BORCS5: variants seen among roughly 807,000 people sequenced by gnomAD.
The protein encoded by BORCS5 is BLOC-1-related complex subunit 5.
Under a neutral mutation model 22.1 loss-of-function variants are expected in BORCS5, and 17 were observed. The observed-to-expected ratio is 0.77, with a 90% CI of 0.53 to 1.15. The LOEUF (loss-of-function observed/expected upper bound fraction) is 1.15. BORCS5 is among the 50% of genes most tolerant of loss of function. The probability of loss-of-function intolerance (pLI) is 0.00; values close to 1 mark genes in which losing one functional copy is unlikely to be tolerated. For synonymous variants in BORCS5, 117 were observed against 99.8 expected (o/e 1.17, Z -1.03); for missense variants, 247 against 253.2 (o/e 0.98, Z 0.17).
chr12:12,408,019 A>C (rs1317109752), intron 2 of BORCS5, among the ~76,000 whole-genome samples: 2 of 152,112 alleles, frequency 1.3e-5, no homozygotes, highest in Non-Finnish European at 2.9e-5. Context: ...AAATATTACT[A>C]TTCTGTATGT....
chr12:12,393,881 C>A (rs1199623732), intron 2 of BORCS5, among the ~76,000 whole-genome samples: 3 of 151,780 alleles, frequency 2.0e-5, no homozygotes, highest in East Asian at 3.9e-4. Flanking sequence ...TGCTAATATA[C>A]CAATTAGAAC....
chr12:12,423,548 G>GT (rs1313600029), intron 2 of BORCS5, among the ~76,000 whole-genome samples: 2 of 122,240 alleles, frequency 1.6e-5, no homozygotes, highest in East Asian at 2.5e-4. Flanking sequence ...CAGGTTTTTT[G>GT]TTTTTTGTTT....
intron 2 of BORCS5, among the ~76,000 whole-genome samples, chr12:12,408,403 G>A (rs969228128): frequency 6.6e-6 from 1 of 152,106 alleles, no homozygotes; most frequent in African/African-American, 2.4e-5. Context: ...AAATACACTT[G>A]ACATGAAATT....
intron 3 of BORCS5, among the ~76,000 whole-genome samples, chr12:12,458,618 A>C: frequency 7.2e-6 from 1 of 139,824 alleles, no homozygotes; most frequent in African/African-American, 2.8e-5. Flanking sequence ...TCGCTCCGTC[A>C]CCCAGGCTGG....
Position 12,357,870 on chromosome 12 carries a change from C to CA in BORCS5, c.58+362dup, listed in dbSNP as rs573578447. Among the ~76,000 whole-genome samples the CA allele has an allele frequency of 1.9e-4, 29 of 152,312 alleles. No homozygotes were observed. In the East Asian group the frequency reaches 3.7e-3, roughly 19 times the overall value. On this transcript the variant is annotated intron_variant, in intron 1 of 3. Transcript: ENST00000314565. The stretch of plus-strand genomic sequence containing the variant: ...GGATGGATTATAGGACCTCTAAGAA[C>CA]AGTCTGTTTCTTAAAAACGGGTGTT...
At chr12:12,404,426 C>G (rs1283767929) in intron 2 of BORCS5, among the ~76,000 whole-genome samples, 1 of 152,176 alleles carries the variant, frequency 6.6e-6, no homozygotes, top group Non-Finnish European at 1.5e-5. Context: ...CCTCAACTGG[C>G]AGAAGGAGAA....
intron 2 of BORCS5, among the ~76,000 whole-genome samples, chr12:12,379,631 C>T (rs1334241065): frequency 6.6e-6 from 1 of 151,426 alleles, no homozygotes; most frequent in Non-Finnish European, 1.5e-5. Flanking sequence ...ACTAGAATAG[C>T]TTAAGGCAAG....
At chr12:12,448,665 AT>A (rs1942839529) in intron 3 of BORCS5, among the ~76,000 whole-genome samples, 1 of 150,964 alleles carries the variant, frequency 6.6e-6, no homozygotes, top group African/African-American at 2.4e-5. Flanking sequence ...AGTAGCTGGG[AT>A]TATAGGCGCC....
intron 2 of BORCS5, among the ~76,000 whole-genome samples, chr12:12,434,019 A>G (rs1942495873): frequency 6.6e-6 from 1 of 152,058 alleles, no homozygotes; most frequent in Non-Finnish European, 1.5e-5. Context: ...AAGGGTTCCC[A>G]AGATGAGCTT....
At chr12:12,415,168 A>C (rs988144126) in intron 2 of BORCS5, among the ~76,000 whole-genome samples, 1 of 151,660 alleles carries the variant, frequency 6.6e-6, no homozygotes, top group Non-Finnish European at 1.5e-5. Flanking sequence ...AGAGGCTGCA[A>C]TCTCGGCACT....
chr12:12,406,796 CT>C (rs34160263), intron 2 of BORCS5, among the ~76,000 whole-genome samples: 32 of 148,472 alleles, frequency 2.2e-4, no homozygotes, highest in East Asian at 1.2e-3. Context: ...TGTTAAACAC[CT>C]TTTTTTTTTT....
At chr12:12,465,317 A>G (rs1232205587) in intron 3 of BORCS5, among the ~76,000 whole-genome samples, 2 of 152,192 alleles carry the variant, frequency 1.3e-5, no homozygotes, top group Non-Finnish European at 1.5e-5. Flanking sequence ...ACATTCCCAG[A>G]ACATAGAGCC....
rs866527866 is a variant in BORCS5, at chr12:12,468,151, C to T, written c.*2375C>T. On this transcript the variant is annotated 3_prime_UTR_variant, in exon 4 of 4. Coordinates refer to ENST00000314565, the MANE Select transcript of BORCS5 (RefSeq NM_058169.6). Reference sequence around the variant, plus strand: ...TGTGGTCTGGTGAAGAAGAAACAGCCGAACCGAGACTTTCACCAGCCCCTC... The same window carrying T: ...TGTGGTCTGGTGAAGAAGAAACAGCTGAACCGAGACTTTCACCAGCCCCTC... 18 of 152,204 alleles carry T rather than the reference C, an allele frequency of 1.2e-4. No homozygotes were observed. Among genetic ancestry groups the T allele is most frequent in the African/African-American group, 3.6e-4 (15 of 41,434 alleles). The allele number at this position is 152,204 out of a possible 1,614,324, so 9.4% of individuals were successfully genotyped here. A position where few individuals can be genotyped will look rare whatever the true frequency, so the allele number is the denominator to read the frequency against.
chr12:12,363,580 A>G (rs1863340735), intron 2 of BORCS5, among the ~76,000 whole-genome samples: 1 of 151,948 alleles, frequency 6.6e-6, no homozygotes, highest in African/African-American at 2.4e-5. Flanking sequence ...CTGAAAGTAC[A>G]AAAAAAATTA....
chr12:12,465,446 C>A, intron 3 of BORCS5, 100 bp from the exon 4 acceptor site: 1 of 1,036,692 alleles, frequency 9.6e-7, no homozygotes, highest in Non-Finnish European at 1.4e-6. Flanking sequence ...TCAGCTTCCA[C>A]TGGATCTGCG....
chr12:12,398,414 A>G (rs1941398555), intron 2 of BORCS5, among the ~76,000 whole-genome samples: 1 of 152,210 alleles, frequency 6.6e-6, no homozygotes, highest in Non-Finnish European at 1.5e-5. Flanking sequence ...AAAAATAATT[A>G]ATATGTAATC....
intron 2 of BORCS5, among the ~76,000 whole-genome samples, chr12:12,427,545 C>T (rs1592118107): frequency 6.6e-6 from 1 of 152,160 alleles, no homozygotes; most frequent in Non-Finnish European, 1.5e-5. Context: ...GTAAAGGATA[C>T]ATATAGCTTA....
intron 2 of BORCS5, among the ~76,000 whole-genome samples, chr12:12,369,729 T>C (rs925049510): frequency 1.4e-5 from 2 of 138,706 alleles, no homozygotes; most frequent in African/African-American, 2.8e-5. Context: ...TTTTTTTTTT[T>C]TTTTTTTTTT....
chr12:12,382,899 T>C (rs891317535), intron 2 of BORCS5, among the ~76,000 whole-genome samples: 3 of 151,476 alleles, frequency 2.0e-5, no homozygotes, highest in South Asian at 2.1e-4. Flanking sequence ...GGTGTGTCTT[T>C]TGTAAATAGC....
Sources: gnomAD v4.1 joint callset for allele counts (sites outside exome capture counted in the v4.1 genomes callset) on GRCh38, gnomAD v4.1.1 for gene constraint, MANE v1.5 for transcripts, NCBI Gene and HGNC (gene_info 2026-07-23, HGNC 2026-07-21) for gene names.